The following ZC3H14 variants were observed in gnomAD, a reference collection of about 807,000 sequenced individuals.
The protein encoded by ZC3H14 is zinc finger CCCH domain-containing protein 14.
ZC3H14 carries 31 observed loss-of-function variants against 92.4 expected under a neutral mutation model. The ratio of observed to expected loss-of-function variants is 0.34; its 90% CI spans 0.25 to 0.45. The LOEUF (loss-of-function observed/expected upper bound fraction) is 0.45. ZC3H14 is among the 20% of genes least tolerant of loss of function. The probability of loss-of-function intolerance (pLI) is 1.00; values close to 1 mark genes in which losing one functional copy is unlikely to be tolerated. For synonymous variants in ZC3H14, 321 were observed against 300.9 expected, an observed-to-expected ratio of 1.07 and a Z score of -0.69; for missense variants, 781 against 897.3, an observed-to-expected ratio of 0.87 and a Z score of 1.66.
Position 88,609,918 on chromosome 14 carries a change from G to A in ZC3H14, c.2097+115G>A. ...GCAAAAGTAATTGCGATTTTTGCCAGTAAAACTATTAAGTTGTTCCTCGTC... is the reference window on the plus strand; with the variant it reads ...GCAAAAGTAATTGCGATTTTTGCCAATAAAACTATTAAGTTGTTCCTCGTC... On this transcript the variant is annotated intron_variant, in intron 15 of 16. Coordinates refer to ENST00000251038, the MANE Select transcript of ZC3H14 (RefSeq NM_024824.5). The A allele has an allele frequency of 2.7e-6, 3 of 1,128,414 alleles. No homozygotes were observed. In the South Asian group the frequency reaches 3.9e-5, roughly 15 times the overall value. 69.9% of individuals were successfully genotyped at this position (1,128,414 alleles called of 1,614,324 possible).
rs1466775911 is a variant in ZC3H14 at position 88,627,291 on chromosome 14, ATAT to A, written c.*15544_*15546del. ...TGTTTTGTCTAAAGTGTGGTAGGTA[ATAT>A]TATCCTGCTGATCTGCCATTATCAT... On this transcript the variant is annotated 3_prime_UTR_variant, in exon 17 of 17. Transcript: ENST00000251038. The A allele has an allele frequency of 1.3e-5, 7 of 534,916 alleles. No individual in the cohort carries two copies. The highest frequency in any genetic ancestry group is 2.0e-5 in the Non-Finnish European group (6 of 302,248). The allele number at this position is 534,916 out of a possible 1,614,324, so 33.1% of individuals were successfully genotyped here.
At chr14:88,606,089 A>G (rs2085358809) in intron 12 of ZC3H14, among the ~76,000 whole-genome samples, 1 of 152,160 alleles carries the variant, frequency 6.6e-6, no homozygotes, top group Admixed American at 6.5e-5. Context: ...CCATGATGCT[A>G]TTTTGTGGGG....
chr14:88,607,805 T>TC, intron 13 of ZC3H14, among the ~76,000 whole-genome samples: 1 of 84,990 alleles, frequency 1.2e-5, no homozygotes. Flanking sequence ...GCAAGTACCA[T>TC]CCCCCACCTC....
Position 88,614,723 on chromosome 14 carries a change from G to A in ZC3H14, c.*2972G>A, listed in dbSNP as rs1223290434. The A allele has an allele frequency of 6.6e-6, 1 of 152,124 alleles. No homozygotes were observed. The highest frequency in any genetic ancestry group is 1.5e-5 in the Non-Finnish European group (1 of 67,996). 9.4% of individuals were successfully genotyped at this position (152,124 alleles called of 1,614,324 possible). ...AGTGATCTTTGGCAGCATTTAAAGT[G>A]AAAAGAAATAAGGATCTAAGAATTC... On this transcript the variant is annotated 3_prime_UTR_variant, in exon 17 of 17. Transcript: ENST00000251038.
At position 88,615,690 on chromosome 14, in the gene ZC3H14, T is replaced by C. The variant is rs2087486034; in HGVS notation, c.*3939T>C. Reference sequence around the variant, plus strand: ...ACAGATCAGTCTTTCACTATTTTGATGATTCTGGGCATTTCTCCCTGTTAC... The same window carrying C: ...ACAGATCAGTCTTTCACTATTTTGACGATTCTGGGCATTTCTCCCTGTTAC... On this transcript the variant is annotated 3_prime_UTR_variant, in exon 17 of 17. Transcript: ENST00000251038. The C allele has an allele frequency of 3.7e-6, 3 of 802,956 alleles. No homozygotes were observed. Among genetic ancestry groups the C allele is most frequent in the South Asian group, 1.8e-5 (1 of 56,112 alleles). The allele number at this position is 802,956 out of a possible 1,614,324, so 49.7% of individuals were successfully genotyped here. A position where few individuals can be genotyped will look rare whatever the true frequency, so the allele number is the denominator to read the frequency against.
Position 88,574,694 on chromosome 14 carries a change from A to G in ZC3H14, c.863A>G (p.Asp288Gly). 6.2e-7 allele frequency: 1 copy of G among 1,614,094 alleles called. No individual in the cohort carries two copies. Among genetic ancestry groups the G allele is most frequent in the East Asian group, 2.2e-5 (1 of 44,880 alleles). Reference protein sequence around the residue: ...RNNSEKMSMEDENFRKRKLPV... With the variant: ...RNNSEKMSMEGENFRKRKLPV... ...AGCATAAATTTTATCTGATTGCAGG[A>G]TGAAAACTTTCGGAAGAGAAAGTTG... Residue 288 changes from aspartate to glycine, a missense_variant and splice_region_variant, in exon 7 of 17, where the codon GAT becomes GGT. Asp to Gly is a moderately conservative substitution (Grantham distance 94). This residue lies in a region of ZC3H14 where 454 missense variants were observed against 438.5 expected (regional missense o/e 1.04). Coordinates refer to ENST00000251038, the MANE Select transcript of ZC3H14 (RefSeq NM_024824.5).
intron 15 of ZC3H14, among the ~76,000 whole-genome samples, chr14:88,610,187 T>A (rs1377513582): frequency 6.6e-6 from 1 of 152,198 alleles, no homozygotes; most frequent in Non-Finnish European, 1.5e-5. Context: ...TGATGGTTGA[T>A]GAATCTCCAG....
intron 9 of ZC3H14, among the ~76,000 whole-genome samples, chr14:88,593,588 C>T (rs2083422998): frequency 6.6e-6 from 1 of 152,138 alleles, no homozygotes; most frequent in African/African-American, 2.4e-5. Flanking sequence ...CACAACCCAT[C>T]AATTTTTGGC....
At chr14:88,595,123 A>G in intron 9 of ZC3H14, 1 of 1,605,766 alleles carries the variant, frequency 6.2e-7, no homozygotes, top group Non-Finnish European at 8.5e-7. Context: ...TAAACTCTTA[A>G]TATATGATAT....
In ZC3H14 at chr14:88,618,432, G is replaced by A; in HGVS notation, c.*6681G>A. The A allele has an allele frequency of 8.7e-7, 1 of 1,152,058 alleles. No individual in the cohort carries two copies. The highest frequency in any genetic ancestry group is 2.5e-5 in the East Asian group (1 of 40,430). The allele number at this position is 1,152,058 out of a possible 1,614,324, so 71.4% of individuals were successfully genotyped here. A position where few individuals can be genotyped will look rare whatever the true frequency, so the allele number is the denominator to read the frequency against. ...TAGCATATTGCTACTTGATTTACAT[G>A]TCTAACATTATTAAGTATGCAAAAG... On this transcript the variant is annotated 3_prime_UTR_variant, in exon 17 of 17. Transcript: ENST00000251038.
chr14:88,587,018 T>C (rs2082547579), intron 9 of ZC3H14, among the ~76,000 whole-genome samples: 1 of 152,218 alleles, frequency 6.6e-6, no homozygotes, highest in African/African-American at 2.4e-5. Flanking sequence ...CCATTTATAC[T>C]TTTCCCTTGC....
In ZC3H14 at chr14:88,617,050, C is replaced by T. The variant is rs1744664390; in HGVS notation, c.*5299C>T. 2 of 486,246 alleles carry T rather than the reference C, an allele frequency of 4.1e-6. No individual in the cohort carries two copies. Among genetic ancestry groups the T allele is most frequent in the African/African-American group, 3.8e-5 (2 of 52,142 alleles). The allele number at this position is 486,246 out of a possible 1,614,324, so 30.1% of individuals were successfully genotyped here. ...CCTGAATTTCATCAGGATATCAACT[C>T]CTGCCTTTTAAAAATGACATTTTAT... On this transcript the variant is annotated 3_prime_UTR_variant, in exon 17 of 17. Transcript: ENST00000251038.
chr14:88,591,142 CAT>C (rs2083073897), intron 9 of ZC3H14: 2 of 152,026 alleles, frequency 1.3e-5, no homozygotes, highest in African/African-American at 4.8e-5. Context: ...TATTAGAAAA[CAT>C]AAGAATAGAA....
intron 10 of ZC3H14, among the ~76,000 whole-genome samples, chr14:88,597,109 C>T (rs2083941056): frequency 6.6e-6 from 1 of 152,150 alleles, no homozygotes; most frequent in South Asian, 2.1e-4. Flanking sequence ...ATTTACCCTC[C>T]CACTCTACCC....
chr14:88,614,837 G>A lies in ZC3H14; in HGVS notation c.*3086G>A, dbSNP rs1003589929. The A allele has an allele frequency of 1.3e-5, 2 of 152,162 alleles. No homozygotes were observed. The highest frequency in any genetic ancestry group is 4.8e-5 in the African/African-American group (2 of 41,434). 9.4% of individuals were successfully genotyped at this position (152,162 alleles called of 1,614,324 possible). ...TTCATTTTGGAAATAAACCTATGGA[G>A]TGGCACACATCTAAACAAATTTTCC... On this transcript the variant is annotated 3_prime_UTR_variant, in exon 17 of 17. Transcript: ENST00000251038.
Position 88,620,280 on chromosome 14 carries a change from C to T in ZC3H14, c.*8529C>T, listed in dbSNP as rs185625418. The T allele has an allele frequency of 4.9e-4, 74 of 152,510 alleles. No homozygotes were observed. The highest frequency in any genetic ancestry group is 6.9e-4 in the Non-Finnish European group (47 of 68,204). 9.4% of individuals were successfully genotyped at this position (152,510 alleles called of 1,614,324 possible). On this transcript the variant is annotated 3_prime_UTR_variant, in exon 17 of 17. Coordinates refer to ENST00000251038, the MANE Select transcript of ZC3H14 (RefSeq NM_024824.5). The surrounding 1 kb of genome is among the most constrained non-coding windows in gnomAD (Gnocchi z 4.3). ...TGAAAAATGCTTAAGCACTGAAAAA[C>T]AAAGGTTTAAGAAACATTTAAATTA...
intron 4 of ZC3H14, among the ~76,000 whole-genome samples, 164 bp from the exon 5 acceptor site, chr14:88,571,866 G>A (rs11629122): frequency 0.89 from 134,775 of 152,172 alleles, 60,320 homozygotes; most frequent in Non-Finnish European, 0.94. Flanking sequence ...TGGGAGGCCG[G>A]GGCAGGAGAA....
At position 88,572,242 on chromosome 14, in the gene ZC3H14, G is replaced by A; in HGVS notation, c.431+17G>A. The A allele has an allele frequency of 6.2e-7, 1 of 1,613,582 alleles. No homozygotes were observed. Among genetic ancestry groups the A allele is most frequent in the Non-Finnish European group, 8.5e-7 (1 of 1,179,578 alleles). On this transcript the variant is annotated intron_variant, in intron 5 of 16. Transcript: ENST00000251038. ...AAATGTCAGGTAAGAGTCTGGTGTA[G>A]ACCTGCTGGGGGCAGATGGCTCTGT...
At position 88,620,481 on chromosome 14, in the gene ZC3H14, G is replaced by T; in HGVS notation, c.*8730G>T. On this transcript the variant is annotated 3_prime_UTR_variant, in exon 17 of 17. Transcript: ENST00000251038. This position sits in a 1 kb window ranked among gnomAD's most constrained non-coding sequence, Gnocchi z 4.3. ...ATTACAGTGGGAGATACCTCTTGGT[G>T]GGATGAACTTAATGGACATGGCTAA... 3.5e-6 allele frequency: 1 copy of T among 284,294 alleles called. No individual in the cohort carries two copies. The highest frequency in any genetic ancestry group is 6.5e-6 in the Non-Finnish European group (1 of 154,790). The allele number at this position is 284,294 out of a possible 1,614,324, so 17.6% of individuals were successfully genotyped here.
Sources: gnomAD v4.1 joint callset for allele counts (sites outside exome capture counted in the v4.1 genomes callset) on GRCh38, gnomAD v4.1.1 for gene constraint, gnomAD v4.1.1 regional missense constraint, Gnocchi (gnomAD v3.1) non-coding constraint, MANE v1.5 for transcripts, NCBI Gene and HGNC (gene_info 2026-07-23, HGNC 2026-07-21) for gene names.